Variants in ABCB1 observed in about 807,000 individuals in gnomAD.
ABCB1 encodes ATP binding cassette subfamily B member 1.
Under a neutral mutation model 142.0 loss-of-function variants are expected in ABCB1, and 69 were observed. That is an observed-to-expected ratio of 0.49 (90% CI 0.40 to 0.59). The LOEUF (loss-of-function observed/expected upper bound fraction) is 0.59, where lower values mean the gene tolerates loss of function less well. Among genes scored for constraint, ABCB1 ranks in the 20% least tolerant of loss-of-function variants. The probability of loss-of-function intolerance (pLI) is 0.00; values close to 1 mark genes in which losing one functional copy is unlikely to be tolerated. For synonymous variants in ABCB1, 532 were observed against 539.2 expected, an observed-to-expected ratio of 0.99 and a Z score of 0.18; for missense variants, 1,326 against 1,554.7, an observed-to-expected ratio of 0.85 and a Z score of 2.47.
Position 87,516,676 on chromosome 7 carries a change from C to G in ABCB1, c.2928-11G>C. The stretch of plus-strand genomic sequence containing the variant: ...ACAGCTGAAAATACTCTGGAAAGCA[C>G]AAACACAAAACATGTGCACAGCATT... On this transcript the variant is annotated splice_polypyrimidine_tract_variant and intron_variant, in intron 23 of 27. Transcript: ENST00000622132. The G allele has an allele frequency of 6.4e-7, 1 of 1,562,862 alleles. No homozygotes were observed. Among genetic ancestry groups the G allele is most frequent in the African/African-American group, 1.4e-5 (1 of 70,328 alleles).
At chr7:87,571,158 G>T (rs935378574) in intron 4 of ABCB1, among the ~76,000 whole-genome samples, 1 of 152,186 alleles carries the variant, frequency 6.6e-6, no homozygotes, top group Admixed American at 6.5e-5. Flanking sequence ...AACTGGTATG[G>T]AAAAGAGGGG....
At chr7:87,531,253 TTACTC>T (rs745390483) in intron 21 of ABCB1, 36 bp downstream of exon 21, 83 of 1,521,846 alleles carry the variant, frequency 5.5e-5, no homozygotes, top group African/African-American at 1.6e-4. Flanking sequence ...TTAGAATACT[TTACTC>T]TACTTAATTA....
intron 4 of ABCB1, among the ~76,000 whole-genome samples, chr7:87,578,755 G>A (rs368235038): frequency 4.0e-5 from 6 of 148,844 alleles, no homozygotes; most frequent in African/African-American, 9.9e-5. Flanking sequence ...GTGCAGTGGC[G>A]GGATCTCGGC....
chr7:87,525,397 G>A (rs946116570), intron 21 of ABCB1, among the ~76,000 whole-genome samples: 1 of 152,078 alleles, frequency 6.6e-6, no homozygotes, highest in African/African-American at 2.4e-5. Flanking sequence ...GGACAACATG[G>A]GGGTTAGGGA....
chr7:87,591,405 G>A (rs1166049455), intron 3 of ABCB1, among the ~76,000 whole-genome samples: 1 of 152,198 alleles, frequency 6.6e-6, no homozygotes, highest in Non-Finnish European at 1.5e-5. Flanking sequence ...TCAAAAGAGG[G>A]ATGATAAAGA....
At chr7:87,601,082 GA>G (rs1356701220), upstream of ABCB1, 2 of 152,232 alleles carry the variant, frequency 1.3e-5, no homozygotes, top group Non-Finnish European at 2.9e-5. Context: ...CACCTCTCTA[GA>G]AAGGGCAAGT....
intron 26 of ABCB1, among the ~76,000 whole-genome samples, chr7:87,508,274 A>G (rs968732259): frequency 6.6e-6 from 1 of 152,174 alleles, no homozygotes; most frequent in Non-Finnish European, 1.5e-5. Context: ...ACATGATCTC[A>G]TGTGACAGGT....
intron 1 of ABCB1, among the ~76,000 whole-genome samples, chr7:87,654,805 A>G (rs1823921794): frequency 6.6e-6 from 1 of 152,090 alleles, no homozygotes; most frequent in East Asian, 1.9e-4. Flanking sequence ...AAAACCACAC[A>G]TCGGATAAGG....
intron 7 of ABCB1, chr7:87,565,626 C>A: frequency 3.0e-6 from 1 of 333,314 alleles, no homozygotes; most frequent in Non-Finnish European, 5.9e-6. Context: ...TCTAGAAAGC[C>A]AAAAACATTA....
chr7:87,708,603 TA>T (rs1829810334), intron 1 of ABCB1, among the ~76,000 whole-genome samples: 2 of 152,300 alleles, frequency 1.3e-5, no homozygotes, highest in Admixed American at 1.3e-4. Context: ...GTCAGATATT[TA>T]TAATTTAATT....
intron 7 of ABCB1, 79 bp from the exon 8 acceptor site, chr7:87,561,466 T>C: frequency 7.2e-7 from 1 of 1,386,146 alleles, no homozygotes; most frequent in Non-Finnish European, 1.0e-6. Flanking sequence ...AATGTATACA[T>C]AAATGCTGCT....
chr7:87,522,210 T>C lies in ABCB1; in HGVS notation c.2686-1334A>G, dbSNP rs1815546113. Reference sequence around the variant, plus strand: ...ATGGCTATAATGGATTTGGTAATCATGGAAGCAATTTTGGAGGTGGTGTAA... The same window carrying C: ...ATGGCTATAATGGATTTGGTAATCACGGAAGCAATTTTGGAGGTGGTGTAA... On this transcript the variant is annotated intron_variant, in intron 21 of 27. Transcript: ENST00000622132. The C allele has an allele frequency of 4.6e-6, 6 of 1,310,376 alleles. No homozygotes were observed. In the African/African-American group the frequency reaches 5.7e-5, roughly 12 times the overall value. 81.2% of individuals were successfully genotyped at this position (1,310,376 alleles called of 1,614,324 possible).
intron 1 of ABCB1, among the ~76,000 whole-genome samples, chr7:87,615,424 G>A (rs1037800057): frequency 6.6e-6 from 1 of 152,252 alleles, no homozygotes; most frequent in Non-Finnish European, 1.5e-5. Context: ...CCTGCAGGAT[G>A]TGTAGGCTAT....
chr7:87,638,905 C>T (rs1563093631), intron 1 of ABCB1, among the ~76,000 whole-genome samples: 3 of 152,140 alleles, frequency 2.0e-5, no homozygotes, highest in Non-Finnish European at 4.4e-5. Context: ...GTAATCCCAG[C>T]ACTTTGGGAG....
At position 87,568,236 on chromosome 7, in the gene ABCB1, A is replaced by C. The variant is rs1318375869; in HGVS notation, c.339-1260T>G. 5.2e-5 allele frequency among the ~76,000 whole-genome samples: 3 copies of C among 57,260 alleles called. No homozygotes were observed. The East Asian group carries it at 2.8e-3, about 54-fold the overall frequency. 37.6% of individuals were successfully genotyped at this position (57,260 alleles called of 152,430 possible). On this transcript the variant is annotated intron_variant, in intron 5 of 27. Coordinates refer to ENST00000622132, the MANE Select transcript of ABCB1 (RefSeq NM_001348946.2). The stretch of plus-strand genomic sequence containing the variant: ...TGGTGAAATCCCGTCTCTACTAAAA[A>C]TACGACAATAATAATAATAATAATA...
At position 87,545,906 on chromosome 7, in the gene ABCB1, A is replaced by G. The variant is rs1242139767; in HGVS notation, c.1844T>C (p.Leu615Pro). The G allele has an allele frequency of 1.2e-6, 2 of 1,614,090 alleles. No homozygotes were observed. Among genetic ancestry groups the G allele is most frequent in the Non-Finnish European group, 1.7e-6 (2 of 1,180,042 alleles). The change falls in exon 15 of 28, where the codon CTC becomes CCC. Residue 615 changes from leucine (L) to proline (P), a missense_variant. Physicochemically the swap from Leu to Pro is moderately conservative, Grantham distance 98 (BLOSUM62 -3). Transcript: ENST00000622132. ...VIVEKGNHDE[L>P]MKEKGIYFKL... Reference sequence around the variant, plus strand: ...GAAGTAAATGCCTTTCTCTTTCATGAGTTCATCATGATTTCCTTTCTCCAC... The same window carrying G: ...GAAGTAAATGCCTTTCTCTTTCATGGGTTCATCATGATTTCCTTTCTCCAC...
chr7:87,639,237 G>A (rs897047852), intron 1 of ABCB1, among the ~76,000 whole-genome samples: 7 of 150,802 alleles, frequency 4.6e-5, no homozygotes, highest in Admixed American at 3.3e-4. Flanking sequence ...TGTTGATTTC[G>A]AATGAATTCT....
At chr7:87,538,785 C>T (rs1266962613) in intron 19 of ABCB1, among the ~76,000 whole-genome samples, 1 of 152,114 alleles carries the variant, frequency 6.6e-6, no homozygotes, top group African/African-American at 2.4e-5. Flanking sequence ...GCCAGTAACA[C>T]TGCAGCTTGA....
intron 22 of ABCB1, among the ~76,000 whole-genome samples, chr7:87,520,413 GCAC>G (rs1449846064): frequency 1.3e-5 from 2 of 152,068 alleles, no homozygotes; most frequent in African/African-American, 4.8e-5. Context: ...AACCCAGGAA[GCAC>G]CATCCTCTCT....
Sources: allele counts gnomAD v4.1 joint callset (sites outside exome capture counted in the v4.1 genomes callset), GRCh38; gene constraint gnomAD v4.1.1; transcripts MANE v1.5; gene names NCBI Gene and HGNC (gene_info 2026-07-23, HGNC 2026-07-21).